PCDH15: variants seen among roughly 807,000 people sequenced by gnomAD.
PCDH15 encodes the protein protocadherin-15.
In PCDH15, 129 loss-of-function variants were observed where a neutral mutation model predicts 178.5. That is an observed-to-expected ratio of 0.72 (90% CI 0.63 to 0.84). PCDH15 has a LOEUF of 0.84. Ranked by LOEUF, PCDH15 falls within the 40% of genes least tolerant of loss-of-function variation. The pLI is 0.00. For synonymous variants in PCDH15, 800 were observed against 732.0 expected, an observed-to-expected ratio of 1.09 and a Z score of -1.50; for missense variants, 2,230 against 2,099.9, an observed-to-expected ratio of 1.06 and a Z score of -1.21.
chr10:55,281,904 G>T (rs1842743107), intron 1 of PCDH15, among the ~76,000 whole-genome samples: 1 of 151,700 alleles, frequency 6.6e-6, no homozygotes, highest in South Asian at 2.1e-4. Flanking sequence ...CTATGATTTT[G>T]CTCCGAAATA....
chr10:54,279,697 C>A (rs954384434), intron 8 of PCDH15, among the ~76,000 whole-genome samples: 2 of 151,664 alleles, frequency 1.3e-5, no homozygotes, highest in African/African-American at 4.8e-5. Context: ...GCAGCAGATT[C>A]TTTTAATTAT....
At chr10:54,440,351 G>T (rs994513199) in intron 3 of PCDH15, among the ~76,000 whole-genome samples, 3 of 152,028 alleles carry the variant, frequency 2.0e-5, no homozygotes, top group South Asian at 2.1e-4. Flanking sequence ...CTCAAAAATT[G>T]CCAGCTAGAG....
chr10:54,384,113 C>T (rs895155016), intron 3 of PCDH15, among the ~76,000 whole-genome samples: 4 of 151,152 alleles, frequency 2.6e-5, no homozygotes, highest in East Asian at 3.9e-4. Flanking sequence ...GGATTACAGG[C>T]GTGAGCTACT....
intron 3 of PCDH15, among the ~76,000 whole-genome samples, chr10:54,516,688 C>T (rs2082257724): frequency 6.6e-6 from 1 of 151,802 alleles, no homozygotes; most frequent in Non-Finnish European, 1.5e-5. Context: ...GGCCAACGTT[C>T]AGATTCAGGA....
At chr10:54,779,811 C>A (rs576737732) in intron 1 of PCDH15, among the ~76,000 whole-genome samples, 80 of 151,988 alleles carry the variant, frequency 5.3e-4, no homozygotes, top group African/African-American at 1.9e-3. Context: ...CCTACATAGA[C>A]CCCTGAGGCT....
chr10:55,066,628 T>C (rs562786768), intron 2 of PCDH15, among the ~76,000 whole-genome samples: 213 of 149,254 alleles, frequency 1.4e-3, no homozygotes, highest in African/African-American at 5.0e-3. Context: ...CAAAGGTAAC[T>C]TTTTTTTTAA....
At chr10:54,335,495 G>A (rs1046175164) in intron 6 of PCDH15, among the ~76,000 whole-genome samples, 5 of 152,148 alleles carry the variant, frequency 3.3e-5, no homozygotes, top group Non-Finnish European at 7.3e-5. Flanking sequence ...TGTTGTGGGA[G>A]GGAGCTGGTG....
intron 1 of PCDH15, among the ~76,000 whole-genome samples, chr10:55,228,533 T>C (rs1195323037): frequency 6.6e-6 from 1 of 152,068 alleles, no homozygotes; most frequent in East Asian, 1.9e-4. Context: ...TAAATTATTT[T>C]GTAATTAAGT....
intron 2 of PCDH15, among the ~76,000 whole-genome samples, chr10:54,534,979 GAA>G (rs955369361): frequency 9.2e-5 from 14 of 152,116 alleles, no homozygotes; most frequent in Non-Finnish European, 1.9e-4. Context: ...CAAACTAATG[GAA>G]AAAGACAATG....
At chr10:55,154,872 C>T (rs1212049967) in intron 2 of PCDH15, among the ~76,000 whole-genome samples, 1 of 152,124 alleles carries the variant, frequency 6.6e-6, no homozygotes, top group Admixed American at 6.6e-5. Context: ...ACCTCCTCTA[C>T]CAGTTAGTTT....
At chr10:54,841,198 GAC>G (rs1232406982) in intron 3 of PCDH15, among the ~76,000 whole-genome samples, 1 of 151,696 alleles carries the variant, frequency 6.6e-6, no homozygotes, top group Non-Finnish European at 1.5e-5. Flanking sequence ...AATTTTAAAA[GAC>G]AGAAATTATA....
chr10:55,143,025 T>A (rs1686119173), intron 2 of PCDH15, among the ~76,000 whole-genome samples: 1 of 152,066 alleles, frequency 6.6e-6, no homozygotes, highest in African/African-American at 2.4e-5. Context: ...ATCATGATAA[T>A]GAGTGAGTTC....
At chr10:54,043,333 A>T (rs776589380) in intron 18 of PCDH15, among the ~76,000 whole-genome samples, 9 of 151,944 alleles carry the variant, frequency 5.9e-5, no homozygotes, top group Non-Finnish European at 1.2e-4. Context: ...ACAATGACAG[A>T]CTTTACTCAA....
chr10:54,905,865 C>T (rs1954710983), intron 2 of PCDH15, among the ~76,000 whole-genome samples: 1 of 152,024 alleles, frequency 6.6e-6, no homozygotes, highest in Non-Finnish European at 1.5e-5. Flanking sequence ...TAGGATAAGC[C>T]ACTTTTAATG....
intron 32 of PCDH15, chr10:53,822,436 G>T (rs1564534129): frequency 6.3e-7 from 1 of 1,588,676 alleles, no homozygotes; most frequent in Non-Finnish European, 8.6e-7. Context: ...GGAGCAAGAG[G>T]AGCAGGAGCA....
At chr10:54,303,643 C>T (rs2060283052) in intron 8 of PCDH15, among the ~76,000 whole-genome samples, 1 of 152,002 alleles carries the variant, frequency 6.6e-6, no homozygotes, top group Admixed American at 6.6e-5. Context: ...ATCAGGTATA[C>T]ACTCTGTAAA....
chr10:54,666,855 A>G lies in PCDH15; in HGVS notation c.-28-2565T>C, dbSNP rs1346774456. Reference sequence around the variant, plus strand: ...TAGTTTATAGTATTATGCATTCACAAATTATGGCATATTCTTTTATTCCTA... The same window carrying G: ...TAGTTTATAGTATTATGCATTCACAGATTATGGCATATTCTTTTATTCCTA... On this transcript the variant is annotated intron_variant, in intron 1 of 37. Coordinates refer to ENST00000644397, the MANE Select transcript of PCDH15 (RefSeq NM_001384140.1). Among the ~76,000 whole-genome samples the G allele has an allele frequency of 2.6e-5, 4 of 152,106 alleles. No individual in the cohort carries two copies. In the East Asian group the frequency reaches 7.7e-4, roughly 29 times the overall value.
intron 3 of PCDH15, among the ~76,000 whole-genome samples, chr10:54,417,405 G>C (rs1181370713): frequency 6.7e-6 from 1 of 150,022 alleles, no homozygotes; most frequent in Non-Finnish European, 1.5e-5. Flanking sequence ...AGAAAACCAA[G>C]AGAAAAGAAG....
In PCDH15 at chr10:55,487,459, T is replaced by C. The variant is rs553763579; in HGVS notation, c.-156+140166A>G. On this transcript the variant is annotated intron_variant, in intron 2 of 5. Transcript: ENST00000613346. ...TAACAACACTCAAAGAATCCACCCA[T>C]TTCCTTTGTGTGTTTATTTCCTTTC... Among the ~76,000 whole-genome samples, 9 of 151,814 alleles carry C rather than the reference T, an allele frequency of 5.9e-5. No homozygotes were observed. In the South Asian group the frequency reaches 1.9e-3, roughly 32 times the overall value.
Sources: gnomAD v4.1 joint callset for allele counts (sites outside exome capture counted in the v4.1 genomes callset) on GRCh38, gnomAD v4.1.1 for gene constraint, MANE v1.5 for transcripts, NCBI Gene and HGNC (gene_info 2026-07-23, HGNC 2026-07-21) for gene names.